The following DMAP1 variants were observed in gnomAD, a reference collection of about 807,000 sequenced individuals.
DMAP1 encodes DNA methyltransferase 1-associated protein 1.
A neutral mutation model predicts 52.7 loss-of-function variants in DMAP1; 26 were observed. That is an observed-to-expected ratio of 0.49 (90% CI 0.36 to 0.68). The LOEUF is 0.68. Ranked by LOEUF, DMAP1 falls within the 30% of genes least tolerant of loss-of-function variation. DMAP1 has a pLI of 0.00. For missense variants in DMAP1, 439 were observed against 625.2 expected (o/e 0.70, Z 3.18); for synonymous variants, 231 against 246.0 (o/e 0.94, Z 0.57).
In DMAP1 at chr1:44,214,370, T is replaced by C. The variant is rs767533861; in HGVS notation, c.126T>C (p.Ser42=). 2.5e-6 allele frequency: 4 copies of C among 1,614,028 alleles called. No homozygotes were observed. Among genetic ancestry groups the C allele is most frequent in the Non-Finnish European group, 3.4e-6 (4 of 1,180,014 alleles). ...NPDKKKSKKS[S]ETLTFKRPEG... ...CTCAGAAAAAATCCAAGAAGTCCTC[T>C]GAGACACTGACTTTCAAGAGGCCCG... is the stretch of plus-strand genomic sequence containing the variant. The change falls in exon 2 of 10, where the codon TCT becomes TCC. Residue 42 remains serine, a synonymous_variant. Coordinates refer to ENST00000372289, the MANE Select transcript of DMAP1 (RefSeq NM_019100.5).
At position 44,220,658 on chromosome 1, in the gene DMAP1, G is replaced by A; in HGVS notation, c.*40G>A. 6.2e-7 allele frequency: 1 copy of A among 1,612,722 alleles called. No individual in the cohort carries two copies. Among genetic ancestry groups the A allele is most frequent in the Non-Finnish European group, 8.5e-7 (1 of 1,179,120 alleles). Reference sequence around the variant, plus strand: ...TGTGGGCGACGCTGTTATGTAAATAGAGCTGCTGAGTTGGACCAGGCTGCT... The same window carrying A: ...TGTGGGCGACGCTGTTATGTAAATAAAGCTGCTGAGTTGGACCAGGCTGCT... On this transcript the variant is annotated 3_prime_UTR_variant, in exon 10 of 10. Coordinates refer to ENST00000372289, the MANE Select transcript of DMAP1 (RefSeq NM_019100.5).
Position 44,220,036 on chromosome 1 carries a change from G to C in DMAP1, c.1071G>C (p.Thr357=). The change falls in exon 9 of 10, where the codon ACG becomes ACC. Residue 357 remains threonine, a synonymous_variant. Coordinates refer to ENST00000372289, the MANE Select transcript of DMAP1 (RefSeq NM_019100.5). ...CTGCAGAGCTGAGCCCGACACCTAC[G>C]GAGGAGCTGGTGCACATGTTCAATG... ...ELGVELSPTP[T]EELVHMFNEL... is the part of the protein sequence containing the mutation. 1 of 1,601,388 alleles carries C rather than the reference G, an allele frequency of 6.2e-7. No homozygotes were observed. Among genetic ancestry groups the C allele is most frequent in the Admixed American group, 1.7e-5 (1 of 59,536 alleles).
At position 44,213,531 on chromosome 1, in the gene DMAP1, C is replaced by T; in HGVS notation, c.-223C>T. 1 of 492,512 alleles carries T rather than the reference C, an allele frequency of 2.0e-6. No individual in the cohort carries two copies. 30.5% of individuals were successfully genotyped at this position (492,512 alleles called of 1,614,324 possible). A position where few individuals can be genotyped will look rare whatever the true frequency, so the allele number is the denominator to read the frequency against. On this transcript the variant is annotated 5_prime_UTR_variant, in exon 1 of 10. Coordinates refer to ENST00000372289, the MANE Select transcript of DMAP1 (RefSeq NM_019100.5). The surrounding 1 kb of genome is among the most constrained non-coding windows in gnomAD (Gnocchi z 4.5). Reference sequence around the variant, plus strand: ...GGGCTGCAGCTGCCGGACCCAGGTGCGGAAGTGCGAGGGCCCAGGTGGCTG... The same window carrying T: ...GGGCTGCAGCTGCCGGACCCAGGTGTGGAAGTGCGAGGGCCCAGGTGGCTG...
chr1:44,218,180 C>G lies in DMAP1; in HGVS notation c.394-131C>G. 2.4e-6 allele frequency: 3 copies of G among 1,226,944 alleles called. No individual in the cohort carries two copies. The highest frequency in any genetic ancestry group is 3.6e-6 in the Non-Finnish European group (3 of 830,720). 76.0% of individuals were successfully genotyped at this position (1,226,944 alleles called of 1,614,324 possible). On this transcript the variant is annotated intron_variant, in intron 3 of 9. Coordinates refer to ENST00000372289, the MANE Select transcript of DMAP1 (RefSeq NM_019100.5). This position sits in a 1 kb window ranked among gnomAD's most constrained non-coding sequence, Gnocchi z 5.6. ...TAGTCAAGCAGACAAGTTCTTTCCT[C>G]ACTCCATGCTGCAGGGGCACAGGCC...
In DMAP1 at chr1:44,218,239, C is replaced by T. The variant is rs772602885; in HGVS notation, c.394-72C>T. 1 of 1,602,612 alleles carries T rather than the reference C, an allele frequency of 6.2e-7. No individual in the cohort carries two copies. ...GGCAACAAACAGGAGCAGCTGTGGT[C>T]ACTGGGGCCTGGAGCCTGCTGGACA... is the stretch of plus-strand genomic sequence containing the variant. On this transcript the variant is annotated intron_variant, in intron 3 of 9. Coordinates refer to ENST00000372289, the MANE Select transcript of DMAP1 (RefSeq NM_019100.5). The surrounding 1 kb of genome is among the most constrained non-coding windows in gnomAD (Gnocchi z 5.6).
intron 3 of DMAP1, 143 bp downstream of exon 3, chr1:44,215,041 C>A: frequency 3.2e-6 from 3 of 940,786 alleles, no homozygotes; most frequent in Non-Finnish European, 5.0e-6. Context: ...GTGGCAAATG[C>A]ATGCAGAGTA....
chr1:44,217,684 G>C lies in DMAP1; in HGVS notation c.394-627G>C, dbSNP rs190181437. 380 of 165,586 alleles carry C rather than the reference G, an allele frequency of 2.3e-3. 3 individuals carry two copies. Among genetic ancestry groups the C allele is most frequent in the African/African-American group, 8.6e-3 (362 of 41,962 alleles). The allele number at this position is 165,586 out of a possible 1,614,324, so 10.3% of individuals were successfully genotyped here. A position where few individuals can be genotyped will look rare whatever the true frequency, so the allele number is the denominator to read the frequency against. On this transcript the variant is annotated intron_variant, in intron 3 of 9. Coordinates refer to ENST00000372289, the MANE Select transcript of DMAP1 (RefSeq NM_019100.5). ...TGGTTGTGGTCTTTAACTGAGAAGAGAGACTTCCCTGATGTAGTCTAGCAC... is the reference window on the plus strand; with the variant it reads ...TGGTTGTGGTCTTTAACTGAGAAGACAGACTTCCCTGATGTAGTCTAGCAC...
At position 44,218,446 on chromosome 1, in the gene DMAP1, C is replaced by T. The variant is rs192276687; in HGVS notation, c.529C>T (p.Arg177Trp). 1.1e-4 allele frequency: 181 copies of T among 1,614,174 alleles called. No homozygotes were observed. The highest frequency in any genetic ancestry group is 1.4e-4 in the Non-Finnish European group (167 of 1,180,026). ...FDLRFVVIHD[R>W]YDHQQFKKRS... ...CCTGCGTTTTGTTGTTATCCATGAC[C>T]GGTATGACCACCAGCAGTTCAAGGT... The change falls in exon 4 of 10, where the codon CGG becomes TGG. Residue 177 changes from arginine (R) to tryptophan (W), a missense_variant. By Grantham distance (101) the Arg-to-Trp change is moderately radical. Coordinates refer to ENST00000372289, the MANE Select transcript of DMAP1 (RefSeq NM_019100.5). This position sits in a 1 kb window ranked among gnomAD's most constrained non-coding sequence, Gnocchi z 5.6.
At chr1:44,217,729 C>A (rs1191418115) in intron 3 of DMAP1, 1 of 196,210 alleles carries the variant, frequency 5.1e-6, no homozygotes, top group African/African-American at 2.3e-5. Flanking sequence ...CCTTGGGTCT[C>A]TGACAGACTC....
chr1:44,220,084 GC>G lies in DMAP1; in HGVS notation c.1120del (p.Leu374SerfsTer31). 1 of 1,610,522 alleles carries G rather than the reference GC, an allele frequency of 6.2e-7. No individual in the cohort carries two copies. The highest frequency in any genetic ancestry group is 8.5e-7 in the Non-Finnish European group (1 of 1,177,668). ...FNELRSDLVL[L>X]YELKQACANC... ...ATGAGCTGCGAAGCGACCTGGTGCT[GC>G]TCTACGAGCTCAAGCAGGCCTGTGC... On this transcript the variant is annotated frameshift_variant, in exon 9 of 10. Transcript: ENST00000372289. LOFTEE classifies it high-confidence loss of function.
chr1:44,213,784 C>T lies in DMAP1; in HGVS notation c.31C>T (p.Leu11=). The T allele has an allele frequency of 6.3e-7, 1 of 1,591,892 alleles. No homozygotes were observed. Among genetic ancestry groups the T allele is most frequent in the South Asian group, 1.1e-5 (1 of 87,204 alleles). ...TACGGGCGCGGATGTACGGGACATT[C>T]TAGAACTCGGGGGTCCAGAAGGGGA... MATGADVRDI[L]ELGGPEGDAA... The change falls in exon 1 of 10, where the codon CTA becomes TTA. Residue 11 remains leucine, a synonymous_variant. Coordinates refer to ENST00000372289, the MANE Select transcript of DMAP1 (RefSeq NM_019100.5). The surrounding 1 kb of genome is among the most constrained non-coding windows in gnomAD (Gnocchi z 4.5).
intron 3 of DMAP1, chr1:44,217,007 C>A (rs1408893570): frequency 6.6e-6 from 1 of 152,152 alleles, no homozygotes; most frequent in Non-Finnish European, 1.5e-5. Flanking sequence ...GATATATATT[C>A]TAGAACACTA....
At chr1:44,220,369 G>A in intron 9 of DMAP1, 60 bp downstream of exon 9, 1 of 1,517,510 alleles carries the variant, frequency 6.6e-7, no homozygotes, top group African/African-American at 1.4e-5. Context: ...ACATGCACAT[G>A]GGTGTAGGGG....
Position 44,218,074 on chromosome 1 carries a change from A to G in DMAP1, c.394-237A>G. On this transcript the variant is annotated intron_variant, in intron 3 of 9. Transcript: ENST00000372289. This position sits in a 1 kb window ranked among gnomAD's most constrained non-coding sequence, Gnocchi z 5.6. Reference sequence around the variant, plus strand: ...GGCAGGAGTGTGTGTCCCATGACTGAGGCTCTGGAGCTGGAGACAGTGAAG... The same window carrying G: ...GGCAGGAGTGTGTGTCCCATGACTGGGGCTCTGGAGCTGGAGACAGTGAAG... 3.3e-6 allele frequency: 2 copies of G among 610,628 alleles called. No homozygotes were observed. The highest frequency in any genetic ancestry group is 2.9e-5 in the East Asian group (1 of 34,266). The allele number at this position is 610,628 out of a possible 1,614,324, so 37.8% of individuals were successfully genotyped here.
chr1:44,218,125 G>A lies in DMAP1; in HGVS notation c.394-186G>A. The A allele has an allele frequency of 1.4e-6, 1 of 738,436 alleles. No homozygotes were observed. The highest frequency in any genetic ancestry group is 2.4e-6 in the Non-Finnish European group (1 of 421,882). The allele number at this position is 738,436 out of a possible 1,614,324, so 45.7% of individuals were successfully genotyped here. ...TTGATCCTGGAATAAATCAGAGGCA[G>A]GCTACAGTCCCAAACCCTGCTAGGA... On this transcript the variant is annotated intron_variant, in intron 3 of 9. Transcript: ENST00000372289. The surrounding 1 kb of genome is among the most constrained non-coding windows in gnomAD (Gnocchi z 5.6).
At position 44,213,508 on chromosome 1, in the gene DMAP1, G is replaced by T; in HGVS notation, c.-246G>T. On this transcript the variant is annotated 5_prime_UTR_variant, in exon 1 of 10. Coordinates refer to ENST00000372289, the MANE Select transcript of DMAP1 (RefSeq NM_019100.5). This position sits in a 1 kb window ranked among gnomAD's most constrained non-coding sequence, Gnocchi z 4.5. ...CGGGGACGGGGGAGTGGTAGTGGGGGCTGCAGCTGCCGGACCCAGGTGCGG... is the reference window on the plus strand; with the variant it reads ...CGGGGACGGGGGAGTGGTAGTGGGGTCTGCAGCTGCCGGACCCAGGTGCGG... 1 of 472,376 alleles carries T rather than the reference G, an allele frequency of 2.1e-6. No individual in the cohort carries two copies. Among genetic ancestry groups the T allele is most frequent in the Non-Finnish European group, 3.8e-6 (1 of 261,372 alleles). The allele number at this position is 472,376 out of a possible 1,614,324, so 29.3% of individuals were successfully genotyped here.
In DMAP1 at chr1:44,218,867, C is replaced by A; in HGVS notation, c.720+112C>A. Reference sequence around the variant, plus strand: ...AGGTCCCCCTGCCTCCCACTGATACCTTATTAACTGCCCCAAGCCCATTCC... The same window carrying A: ...AGGTCCCCCTGCCTCCCACTGATACATTATTAACTGCCCCAAGCCCATTCC... On this transcript the variant is annotated intron_variant, in intron 5 of 9. Coordinates refer to ENST00000372289, the MANE Select transcript of DMAP1 (RefSeq NM_019100.5). This position sits in a 1 kb window ranked among gnomAD's most constrained non-coding sequence, Gnocchi z 5.6. 1 of 1,464,230 alleles carries A rather than the reference C, an allele frequency of 6.8e-7. No individual in the cohort carries two copies. The highest frequency in any genetic ancestry group is 9.2e-7 in the Non-Finnish European group (1 of 1,083,426). The allele number at this position is 1,464,230 out of a possible 1,614,324, so 90.7% of individuals were successfully genotyped here. A position where few individuals can be genotyped will look rare whatever the true frequency, so the allele number is the denominator to read the frequency against.
Position 44,218,578 on chromosome 1 carries a change from T to G in DMAP1, c.553-10T>G. ...GAATGTTCATTCCTCTACCCTGTCT[T>G]GCTCCTCAGAAGCGTTCTGTGGAAG... On this transcript the variant is annotated splice_polypyrimidine_tract_variant and intron_variant, in intron 4 of 9. Coordinates refer to ENST00000372289, the MANE Select transcript of DMAP1 (RefSeq NM_019100.5). The surrounding 1 kb of genome is among the most constrained non-coding windows in gnomAD (Gnocchi z 5.6). 6.2e-7 allele frequency: 1 copy of G among 1,609,502 alleles called. No individual in the cohort carries two copies. Among genetic ancestry groups the G allele is most frequent in the African/African-American group, 1.3e-5 (1 of 74,964 alleles).
chr1:44,219,622 TG>T, intron 7 of DMAP1, 145 bp downstream of exon 7: 1 of 1,142,318 alleles, frequency 8.8e-7, no homozygotes, highest in Non-Finnish European at 1.2e-6. Context: ...CTCAGTGATG[TG>T]GCCAGGCTAA....
Sources: allele counts gnomAD v4.1 joint callset, GRCh38; gene constraint gnomAD v4.1.1; non-coding constraint Gnocchi (gnomAD v3.1); transcripts MANE v1.5; gene names NCBI Gene and HGNC (gene_info 2026-07-23, HGNC 2026-07-21).